The following GOLGA7 variants were observed in gnomAD, a reference collection of about 807,000 sequenced individuals.
The protein encoded by GOLGA7 is golgin subfamily A member 7.
A neutral mutation model predicts 21.1 loss-of-function variants in GOLGA7; 10 were observed. The ratio of observed to expected loss-of-function variants is 0.47; its 90% CI spans 0.29 to 0.80. GOLGA7 has a LOEUF of 0.80. Among genes scored for constraint, GOLGA7 ranks in the 30% least tolerant of loss-of-function variants. The probability of loss-of-function intolerance (pLI) is 0.08; values close to 1 mark genes in which losing one functional copy is unlikely to be tolerated. For synonymous variants in GOLGA7, 64 were observed against 62.6 expected, an observed-to-expected ratio of 1.02 and a Z score of -0.10; for missense variants, 114 against 166.8, an observed-to-expected ratio of 0.68 and a Z score of 1.74.
intron 1 of GOLGA7, among the ~76,000 whole-genome samples, chr8:41,491,204 C>A (rs768274953): frequency 1.3e-5 from 2 of 152,272 alleles, no homozygotes; most frequent in Admixed American, 6.5e-5. Context: ...CTTTGTTGCC[C>A]GGTGCCGGGA....
intron 2 of GOLGA7, chr8:41,502,549 T>C (rs1419456103): frequency 3.3e-5 from 5 of 152,252 alleles, no homozygotes; most frequent in African/African-American, 1.2e-4. Flanking sequence ...ACAAATGGGC[T>C]CGTGGAAGGT....
Position 41,490,891 on chromosome 8 carries a change from T to A in GOLGA7, c.37T>A (p.Phe13Ile). 6.2e-7 allele frequency: 1 copy of A among 1,603,834 alleles called. No individual in the cohort carries two copies. Among genetic ancestry groups the A allele is most frequent in the Non-Finnish European group, 8.5e-7 (1 of 1,174,960 alleles). Residue 13 changes from phenylalanine (F) to isoleucine (I), a missense_variant, in exon 1 of 5, where the codon TTC (phenylalanine) becomes ATC (isoleucine). Physicochemically the swap from Phe to Ile is conservative, Grantham distance 21 (BLOSUM62 0). Coordinates refer to ENST00000357743, the MANE Select transcript of GOLGA7 (RefSeq NM_001002296.2). ...GCAGGCGCCGGTGTCCGGAAAGGTG[T>A]TCATTCAGCGAGACTACAGCAGTGG... is the stretch of plus-strand genomic sequence containing the variant. ...PQQAPVSGKVFIQRDYSSGTR... is the reference protein window; with the variant it reads ...PQQAPVSGKVIIQRDYSSGTR...
In GOLGA7 at chr8:41,490,823, G is replaced by T; in HGVS notation, c.-32G>T. On this transcript the variant is annotated 5_prime_UTR_variant, in exon 1 of 5. Transcript: ENST00000357743. Reference sequence around the variant, plus strand: ...TCTGACTCGCGGTTGGTGTTCCCCCGACCCCGCAGCGCGGGGTGTCCTGTC... The same window carrying T: ...TCTGACTCGCGGTTGGTGTTCCCCCTACCCCGCAGCGCGGGGTGTCCTGTC... 1 of 1,299,798 alleles carries T rather than the reference G, an allele frequency of 7.7e-7. No homozygotes were observed. Among genetic ancestry groups the T allele is most frequent in the South Asian group, 1.3e-5 (1 of 79,424 alleles). The allele number at this position is 1,299,798 out of a possible 1,614,324, so 80.5% of individuals were successfully genotyped here. A position where few individuals can be genotyped will look rare whatever the true frequency, so the allele number is the denominator to read the frequency against.
chr8:41,492,292 C>T (rs534827330), intron 1 of GOLGA7, among the ~76,000 whole-genome samples: 1 of 152,280 alleles, frequency 6.6e-6, no homozygotes, highest in Non-Finnish European at 1.5e-5. Flanking sequence ...CAGCAAGTGG[C>T]CAGTTGGGTA....
At position 41,497,575 on chromosome 8, in the gene GOLGA7, C is replaced by G; in HGVS notation, c.178C>G (p.Leu60Val). Reference protein sequence around the residue: ...LNNLYAEAEKLGGQSYLEGCL... With the variant: ...LNNLYAEAEKVGGQSYLEGCL... ...TAACCTTTATGCAGAAGCAGAGAAG[C>G]TCGGCGGCCAGTCATATCTCGAAGG... Residue 60 changes from leucine to valine, a missense_variant, in exon 2 of 5, where the codon CTC becomes GTC. Transcript: ENST00000357743. 7 of 1,589,948 alleles carry G rather than the reference C, an allele frequency of 4.4e-6. No individual in the cohort carries two copies. In the South Asian group the frequency reaches 7.7e-5, roughly 18 times the overall value.
At chr8:41,503,360 G>A (rs1585603234) in intron 2 of GOLGA7, among the ~76,000 whole-genome samples, 1 of 133,602 alleles carries the variant, frequency 7.5e-6, no homozygotes, top group Non-Finnish European at 1.6e-5. Flanking sequence ...CATGTTGTAG[G>A]TTGCCTGTTC....
rs190439665 is a variant in GOLGA7, at chr8:41,491,037, C to T, written c.111+72C>T. 9.0e-4 allele frequency: 814 copies of T among 909,426 alleles called. 3 individuals carry two copies. The highest frequency in any genetic ancestry group is 1.2e-3 in the Non-Finnish European group (663 of 564,304). 56.3% of individuals were successfully genotyped at this position (909,426 alleles called of 1,614,324 possible). Reference sequence around the variant, plus strand: ...TCACCGGGGACGGGAAGGGTGTGGGCGACAACCGGGCCTTTGAGGGTCCCG... The same window carrying T: ...TCACCGGGGACGGGAAGGGTGTGGGTGACAACCGGGCCTTTGAGGGTCCCG... On this transcript the variant is annotated intron_variant, in intron 1 of 4. Transcript: ENST00000357743.
At chr8:41,494,547 A>G (rs1003194454) in intron 1 of GOLGA7, among the ~76,000 whole-genome samples, 1 of 152,190 alleles carries the variant, frequency 6.6e-6, no homozygotes, top group African/African-American at 2.4e-5. Flanking sequence ...GGTGAACGTA[A>G]CAGCTTACCA....
At chr8:41,494,746 C>G (rs1253840044) in intron 1 of GOLGA7, among the ~76,000 whole-genome samples, 1 of 152,074 alleles carries the variant, frequency 6.6e-6, no homozygotes, top group Non-Finnish European at 1.5e-5. Context: ...TTTAAAGTAA[C>G]TCCTTTTGAA....
In GOLGA7 at chr8:41,501,611, G is replaced by C. The variant is rs1273169461; in HGVS notation, c.264+3950G>C. Among the ~76,000 whole-genome samples, 4 of 152,218 alleles carry C rather than the reference G, an allele frequency of 2.6e-5. No individual in the cohort carries two copies. The East Asian group carries it at 7.7e-4, about 29-fold the overall frequency. On this transcript the variant is annotated intron_variant, in intron 2 of 4. Coordinates refer to ENST00000357743, the MANE Select transcript of GOLGA7 (RefSeq NM_001002296.2). ...GGGTCTCACTATGTTGGCTAGGCTG[G>C]TCTTGCACTCCTGGCCTCAAGCGAT...
chr8:41,499,302 G>A (rs1806093905), intron 2 of GOLGA7, among the ~76,000 whole-genome samples: 1 of 152,182 alleles, frequency 6.6e-6, no homozygotes, highest in South Asian at 2.1e-4. Flanking sequence ...GTTACAGGGT[G>A]CTCTTTTAGT....
intron 2 of GOLGA7, among the ~76,000 whole-genome samples, chr8:41,501,403 G>A (rs1806147517): frequency 6.6e-6 from 1 of 151,778 alleles, no homozygotes; most frequent in African/African-American, 2.4e-5. Context: ...CCACCTCCTG[G>A]GTTCAAGTGA....
chr8:41,492,131 C>G (rs1028732399), intron 1 of GOLGA7, among the ~76,000 whole-genome samples: 8 of 152,136 alleles, frequency 5.3e-5, no homozygotes, highest in African/African-American at 1.9e-4. Flanking sequence ...TCTTGAATTG[C>G]AAATGGATCA....
intron 2 of GOLGA7, among the ~76,000 whole-genome samples, chr8:41,505,278 C>A (rs1340343834): frequency 6.6e-6 from 1 of 152,184 alleles, no homozygotes; most frequent in Admixed American, 6.5e-5. Flanking sequence ...GAGCAAACTG[C>A]AGAATAGCAC....
chr8:41,498,069 C>T (rs1366199409), intron 2 of GOLGA7, among the ~76,000 whole-genome samples: 1 of 152,168 alleles, frequency 6.6e-6, no homozygotes, highest in African/African-American at 2.4e-5. Flanking sequence ...GAAGTCAAAC[C>T]TCCCACCTCC....
At chr8:41,496,956 C>T (rs577662231) in intron 1 of GOLGA7, among the ~76,000 whole-genome samples, 69 of 151,842 alleles carry the variant, frequency 4.5e-4, no homozygotes, top group Non-Finnish European at 9.0e-4. Flanking sequence ...TATAGGCACC[C>T]GCCACCATGC....
intron 2 of GOLGA7, among the ~76,000 whole-genome samples, chr8:41,504,502 C>T (rs982290200): frequency 6.6e-6 from 1 of 151,996 alleles, no homozygotes; most frequent in African/African-American, 2.4e-5. Context: ...TTTTTTTGCT[C>T]ATAAAGACCA....
Position 41,497,445 on chromosome 8 carries a change from A to C in GOLGA7, c.112-64A>C. 3.5e-6 allele frequency: 3 copies of C among 848,850 alleles called. No homozygotes were observed. In the East Asian group the frequency reaches 7.5e-5, roughly 21 times the overall value. The allele number at this position is 848,850 out of a possible 1,614,324, so 52.6% of individuals were successfully genotyped here. A position where few individuals can be genotyped will look rare whatever the true frequency, so the allele number is the denominator to read the frequency against. On this transcript the variant is annotated intron_variant, in intron 1 of 4. Transcript: ENST00000357743. ...GGTGAGAAAACAAGATAAATTAATG[A>C]TAGCATGCATTAGTTGATTTTTTTT...
chr8:41,507,170 G>A (rs1806306604), intron 4 of GOLGA7, 49 bp downstream of exon 4: 2 of 784,014 alleles, frequency 2.6e-6, no homozygotes, highest in East Asian at 2.4e-5. Context: ...AAGTTTAGAG[G>A]ATGCATGAAT....
Sources: gnomAD v4.1 joint callset for allele counts (sites outside exome capture counted in the v4.1 genomes callset) on GRCh38, gnomAD v4.1.1 for gene constraint, MANE v1.5 for transcripts, NCBI Gene and HGNC (gene_info 2026-07-23, HGNC 2026-07-21) for gene names.